KCNH2: variants seen among roughly 807,000 people sequenced by gnomAD.
KCNH2 encodes the protein potassium voltage-gated channel subfamily H member 2, also known as voltage-gated inwardly rectifying potassium channel KCNH2.
A neutral mutation model predicts 95.9 loss-of-function variants in KCNH2; 35 were observed. The ratio of observed to expected loss-of-function variants is 0.37; its 90% CI spans 0.28 to 0.48. The LOEUF is 0.48. Ranked by LOEUF, KCNH2 falls within the 20% of genes least tolerant of loss-of-function variation. KCNH2 has a pLI of 0.99. For missense variants in KCNH2, 1,274 were observed against 1,702.9 expected (o/e 0.75, Z 4.43); for synonymous variants, 786 against 754.7 (o/e 1.04, Z -0.68).
chr7:150,958,233 G>C lies in KCNH2; in HGVS notation c.742C>G (p.Leu248Val), dbSNP rs1584865611. The C allele has an allele frequency of 6.5e-6, 9 of 1,392,458 alleles. No individual in the cohort carries two copies. The East Asian group carries it at 2.8e-4, about 43-fold the overall frequency. The allele number at this position is 1,392,458 out of a possible 1,614,324, so 86.3% of individuals were successfully genotyped here. The change falls in exon 4 of 15, where the codon CTC (leucine) becomes GTC (valine). Residue 248 changes from leucine (L) to valine (V), a missense_variant. By Grantham distance (32) the Leu-to-Val change is conservative. Around this residue, in one of 7 missense-constraint regions of KCNH2, gnomAD observed 392 missense variants for 429.9 expected, o/e 0.91. Coordinates refer to ENST00000262186, the MANE Select transcript of KCNH2 (RefSeq NM_000238.4). ...GSPPRSAPGQLPSPRAHSLNP... is the reference protein window; with the variant it reads ...GSPPRSAPGQVPSPRAHSLNP... ...AGGCTGTGCGCCCGGGGCGATGGGA[G>C]CTGGCCGGGCGCGCTGCGGGGCGGA... is the stretch of plus-strand genomic sequence containing the variant.
intron 4 of KCNH2, 31 bp from the exon 5 acceptor site, chr7:150,957,533 C>CG: frequency 7.2e-7 from 1 of 1,388,284 alleles, no homozygotes; most frequent in Non-Finnish European, 9.5e-7. Context: ...GTCAGGCCAG[C>CG]AGCCCAGGGC....
chr7:150,977,818 C>T lies in KCNH2; in HGVS notation c.76+20G>A. 2.1e-6 allele frequency: 3 copies of T among 1,398,730 alleles called. No individual in the cohort carries two copies. Among genetic ancestry groups the T allele is most frequent in the South Asian group, 2.4e-5 (2 of 82,448 alleles). The allele number at this position is 1,398,730 out of a possible 1,614,324, so 86.6% of individuals were successfully genotyped here. A position where few individuals can be genotyped will look rare whatever the true frequency, so the allele number is the denominator to read the frequency against. ...CCGCCCCCAGAGCCCCCTCCCCGCT[C>T]AGCCCCCTCCCCCACTCACTCTGGC... On this transcript the variant is annotated intron_variant, in intron 1 of 14. Transcript: ENST00000262186.
rs1243844148 is a variant in KCNH2 at position 150,945,279 on chromosome 7, G to A, written c.*86C>T. ...AGTTCCTCTCCCCTTCCACGGTCAG[G>A]GCCTCCTGAGCAGGGCCTCCAAGGG... On this transcript the variant is annotated 3_prime_UTR_variant, in exon 15 of 15. Transcript: ENST00000262186. This position sits in a 1 kb window ranked among gnomAD's most constrained non-coding sequence, Gnocchi z 5.6. The A allele has an allele frequency of 1.8e-5, 26 of 1,428,184 alleles. No homozygotes were observed. Among genetic ancestry groups the A allele is most frequent in the Non-Finnish European group, 2.3e-5 (24 of 1,056,310 alleles). The allele number at this position is 1,428,184 out of a possible 1,614,324, so 88.5% of individuals were successfully genotyped here. A position where few individuals can be genotyped will look rare whatever the true frequency, so the allele number is the denominator to read the frequency against.
chr7:150,951,954 C>T lies in KCNH2; in HGVS notation c.1558-119G>A, dbSNP rs922683934. The T allele has an allele frequency of 3.2e-6, 3 of 942,292 alleles. No individual in the cohort carries two copies. The East Asian group carries it at 7.7e-5, about 24-fold the overall frequency. 58.4% of individuals were successfully genotyped at this position (942,292 alleles called of 1,614,324 possible). A position where few individuals can be genotyped will look rare whatever the true frequency, so the allele number is the denominator to read the frequency against. ...TCAGATCCCCAAAGACTTCCTAGAC[C>T]CTCCTCCTAAGAGGTGAAGCCCACA... On this transcript the variant is annotated intron_variant, in intron 6 of 14. Transcript: ENST00000262186.
At chr7:150,975,821 A>C (rs907809601) in intron 1 of KCNH2, among the ~76,000 whole-genome samples, 2 of 152,226 alleles carry the variant, frequency 1.3e-5, no homozygotes, top group African/African-American at 4.8e-5. Flanking sequence ...CTGCAGCTCC[A>C]AACCCTGGAC....
intron 7 of KCNH2, 154 bp from the exon 8 acceptor site, chr7:150,951,274 C>T: frequency 2.9e-6 from 3 of 1,020,190 alleles, no homozygotes; most frequent in South Asian, 2.8e-5. Context: ...GCACACCCCA[C>T]CCTTCAGTAG....
chr7:150,948,925 C>G lies in KCNH2; in HGVS notation c.2523G>C (p.Val841=). 6.2e-7 allele frequency: 1 copy of G among 1,614,198 alleles called. No individual in the cohort carries two copies. Among genetic ancestry groups the G allele is most frequent in the South Asian group, 1.1e-5 (1 of 91,080 alleles). ...HKIHRDDLLE[V]LDMYPEFSDH... The stretch of plus-strand genomic sequence containing the variant: ...CGGAGAACTCAGGGTACATGTCCAG[C>G]ACCTCCAGCAGGTCGTCCCGATGGA... The change falls in exon 10 of 15, where the codon GTG becomes GTC. Residue 841 remains valine (V), a synonymous_variant. Coordinates refer to ENST00000262186, the MANE Select transcript of KCNH2 (RefSeq NM_000238.4).
Position 150,951,557 on chromosome 7 carries a change from C to T in KCNH2, c.1836G>A (p.Val612=), listed in dbSNP as rs1554425781. 6.2e-7 allele frequency: 1 copy of T among 1,614,240 alleles called. No homozygotes were observed. The highest frequency in any genetic ancestry group is 8.5e-7 in the Non-Finnish European group (1 of 1,180,052). ...LGGPSIKDKY[V]TALYFTFSSL... The stretch of plus-strand genomic sequence containing the variant: ...TGCTGAAGGTGAAGTAGAGCGCCGT[C>T]ACATACTTGTCCTTGATGGAGGGGC... Residue 612 remains valine, a synonymous_variant, in exon 7 of 15, where the codon GTG becomes GTA. Coordinates refer to ENST00000262186, the MANE Select transcript of KCNH2 (RefSeq NM_000238.4).
rs376741938 is a variant in KCNH2, at chr7:150,952,870, C to T, written c.1129-17G>A. On this transcript the variant is annotated splice_polypyrimidine_tract_variant and intron_variant, in intron 5 of 14. Transcript: ENST00000262186. The surrounding 1 kb of genome is among the most constrained non-coding windows in gnomAD (Gnocchi z 7.3). ...GGACAGGACCTGCACCCGGGGAAGGCGGAGGTGTGGGTGAGGCAGGCCATG... is the reference window on the plus strand; with the variant it reads ...GGACAGGACCTGCACCCGGGGAAGGTGGAGGTGTGGGTGAGGCAGGCCATG... The T allele has an allele frequency of 9.9e-6, 16 of 1,610,810 alleles. No individual in the cohort carries two copies. The Admixed American group carries it at 1.3e-4, about 13-fold the overall frequency.
intron 2 of KCNH2, among the ~76,000 whole-genome samples, chr7:150,960,292 T>G (rs1801521076): frequency 6.6e-6 from 1 of 152,260 alleles, no homozygotes. Flanking sequence ...TTTTAAAATT[T>G]TTTAACTTTT....
At position 150,958,428 on chromosome 7, in the gene KCNH2, C is replaced by T; in HGVS notation, c.547G>A (p.Gly183Ser). 1 of 1,448,714 alleles carries T rather than the reference C, an allele frequency of 6.9e-7. No individual in the cohort carries two copies. The highest frequency in any genetic ancestry group is 9.0e-7 in the Non-Finnish European group (1 of 1,109,194). The allele number at this position is 1,448,714 out of a possible 1,614,324, so 89.7% of individuals were successfully genotyped here. A position where few individuals can be genotyped will look rare whatever the true frequency, so the allele number is the denominator to read the frequency against. ...LTARESSVRS[G>S]GAGGAGAPGA... ...GGGGCGCCCGCGCCGCCCGCGCCGC[C>T]CGACCGCACCGACGACTCCCGGGCC... The change falls in exon 4 of 15, where the codon GGC (glycine) becomes AGC (serine). Residue 183 changes from glycine to serine, a missense_variant. By Grantham distance (56) the Gly-to-Ser change is moderately conservative. Transcript: ENST00000262186.
At position 150,976,190 on chromosome 7, in the gene KCNH2, C is replaced by G. The variant is rs1451951406; in HGVS notation, c.77-1249G>C. 3.3e-5 allele frequency among the ~76,000 whole-genome samples: 5 copies of G among 152,146 alleles called. No individual in the cohort carries two copies. In the South Asian group the frequency reaches 1.0e-3, roughly 32 times the overall value. ...CCCCTCCCCTCCCCAGCAAGCATAGCCCTCAGGTTGCAGCCCTAGGCAATC... is the reference window on the plus strand; with the variant it reads ...CCCCTCCCCTCCCCAGCAAGCATAGGCCTCAGGTTGCAGCCCTAGGCAATC... On this transcript the variant is annotated intron_variant, in intron 1 of 14. Transcript: ENST00000262186.
In KCNH2 at chr7:150,957,399, A is replaced by G. The variant is rs780309380; in HGVS notation, c.1020T>C (p.Phe340=). The change falls in exon 5 of 15, where the codon TTT becomes TTC. Residue 340 remains phenylalanine (F), a synonymous_variant. Coordinates refer to ENST00000262186, the MANE Select transcript of KCNH2 (RefSeq NM_000238.4). Reference sequence around the variant, plus strand: ...AGAAGGGGTCGCCCTTGAGGTCCACAAAGTTGAGGGTGATTTGGGGAATCT... The same window carrying G: ...AGAAGGGGTCGCCCTTGAGGTCCACGAAGTTGAGGGTGATTTGGGGAATCT... ...ISKIPQITLN[F]VDLKGDPFLA... is the part of the protein sequence containing the mutation. 1.2e-6 allele frequency: 2 copies of G among 1,614,092 alleles called. No homozygotes were observed. Among genetic ancestry groups the G allele is most frequent in the African/African-American group, 1.3e-5 (1 of 74,940 alleles).
intron 2 of KCNH2, among the ~76,000 whole-genome samples, chr7:150,963,620 C>T (rs191587196): frequency 6.6e-6 from 1 of 151,272 alleles, no homozygotes; most frequent in East Asian, 2.0e-4. Flanking sequence ...CCAGCCTCAG[C>T]CCCAGCGCTG....
At chr7:150,963,092 C>G (rs1216994081) in intron 2 of KCNH2, among the ~76,000 whole-genome samples, 1 of 152,192 alleles carries the variant, frequency 6.6e-6, no homozygotes, top group Non-Finnish European at 1.5e-5. Flanking sequence ...GCCCCAGCTC[C>G]CCAGGGCAGA....
In KCNH2 at chr7:150,962,627, C is replaced by CAGAGAGAGAGAGAGAGAG. The variant is rs41307331; in HGVS notation, c.308-2909_308-2892dup. 0.044 allele frequency among the ~76,000 whole-genome samples: 6,390 copies of CAGAGAGAGAGAGAGAGAG among 146,148 alleles called. 202 individuals carry two copies. Among genetic ancestry groups the CAGAGAGAGAGAGAGAGAG allele is most frequent in the Non-Finnish European group, 0.064 (4,270 of 66,652 alleles). On this transcript the variant is annotated intron_variant, in intron 2 of 14. Coordinates refer to ENST00000262186, the MANE Select transcript of KCNH2 (RefSeq NM_000238.4). The surrounding 1 kb of genome is among the most constrained non-coding windows in gnomAD (Gnocchi z 5.7). ...CACACTTACACACACACACGAGAGACAGAGAGAGAGAGAGAGAGAGAGAGA... is the reference window on the plus strand; with the variant it reads ...CACACTTACACACACACACGAGAGACAGAGAGAGAGAGAGAGAGAGAGAGAGAGAGAGAGAGAGAGAGA...
At chr7:150,968,929 C>T (rs1801770685) in intron 2 of KCNH2, among the ~76,000 whole-genome samples, 1 of 152,226 alleles carries the variant, frequency 6.6e-6, no homozygotes, top group African/African-American at 2.4e-5. Flanking sequence ...AGCTCTGGCA[C>T]CGCACGCTGC....
At chr7:150,955,319 A>C in intron 5 of KCNH2, 1 of 1,395,108 alleles carries the variant, frequency 7.2e-7, no homozygotes, top group Non-Finnish European at 9.9e-7. Flanking sequence ...CCCAGCCTGG[A>C]GTCAGAGCCC....
chr7:150,962,653 G>GAGAGAGAGAGAGAGAGAGAGAGA lies in KCNH2; in HGVS notation c.308-2918_308-2917insTCTCTCTCTCTCTCTCTCTCTCT, dbSNP rs1554428942. Among the ~76,000 whole-genome samples, 3 of 151,294 alleles carry GAGAGAGAGAGAGAGAGAGAGAGA rather than the reference G, an allele frequency of 2.0e-5. No homozygotes were observed. Among genetic ancestry groups the GAGAGAGAGAGAGAGAGAGAGAGA allele is most frequent in the Non-Finnish European group, 4.4e-5 (3 of 67,828 alleles). On this transcript the variant is annotated intron_variant, in intron 2 of 14. Coordinates refer to ENST00000262186, the MANE Select transcript of KCNH2 (RefSeq NM_000238.4). The surrounding 1 kb of genome is among the most constrained non-coding windows in gnomAD (Gnocchi z 5.7). ...AGAGAGAGAGAGAGAGAGAGAGAGA[G>GAGAGAGAGAGAGAGAGAGAGAGA]GAGTGACTGCTGGCCCTCTTCCTTT...
Sources: gnomAD v4.1 joint callset for allele counts (sites outside exome capture counted in the v4.1 genomes callset) on GRCh38, gnomAD v4.1.1 for gene constraint, gnomAD v4.1.1 regional missense constraint, Gnocchi (gnomAD v3.1) non-coding constraint, MANE v1.5 for transcripts, NCBI Gene and HGNC (gene_info 2026-07-23, HGNC 2026-07-21) for gene names.